PPM1L: variants seen among roughly 807,000 people sequenced by gnomAD.
PPM1L encodes protein phosphatase 1L.
In PPM1L, 13 loss-of-function variants were observed where a neutral mutation model predicts 31.4. The ratio of observed to expected loss-of-function variants is 0.41; its 90% CI spans 0.27 to 0.66. The LOEUF is 0.66. PPM1L is among the 30% of genes least tolerant of loss of function. The probability of loss-of-function intolerance (pLI) is 0.29; values close to 1 mark genes in which losing one functional copy is unlikely to be tolerated. For missense variants in PPM1L, 326 were observed against 453.7 expected, an observed-to-expected ratio of 0.72 and a Z score of 2.56; for synonymous variants, 184 against 175.4, an observed-to-expected ratio of 1.05 and a Z score of -0.39.
intron 1 of PPM1L, among the ~76,000 whole-genome samples, chr3:160,765,658 A>G (rs865895684): frequency 1.4e-4 from 21 of 152,232 alleles, no homozygotes; most frequent in African/African-American, 5.1e-4. Context: ...GGCTCATGAA[A>G]GGCTTTCATA....
chr3:160,801,876 A>G (rs1712437413), intron 1 of PPM1L, among the ~76,000 whole-genome samples: 1 of 152,100 alleles, frequency 6.6e-6, no homozygotes. Context: ...ACATAGTTTG[A>G]ACTTATATAG....
At chr3:160,858,051 C>G (rs1711773642) in intron 1 of PPM1L, among the ~76,000 whole-genome samples, 1 of 152,026 alleles carries the variant, frequency 6.6e-6, no homozygotes, top group Non-Finnish European at 1.5e-5. Context: ...CTTGGTGAAA[C>G]ATTTAGGCTG....
intron 2 of PPM1L, among the ~76,000 whole-genome samples, chr3:161,048,751 TA>T (rs1300274824): frequency 1.3e-5 from 2 of 151,534 alleles, no homozygotes; most frequent in South Asian, 2.1e-4. Context: ...TATGCTGCCA[TA>T]AAAAAGGATG....
Position 161,052,599 on chromosome 3 carries a change from G to A in PPM1L, c.575-12804G>A, listed in dbSNP as rs540917272. Among the ~76,000 whole-genome samples the A allele has an allele frequency of 3.9e-5, 6 of 152,280 alleles. No homozygotes were observed. The East Asian group carries it at 1.2e-3, about 29-fold the overall frequency. Reference sequence around the variant, plus strand: ...CCTAATAGCCCCTAGGACAATGAGTGTCTCAGGCTGAATGGAAGAGGGTCA... The same window carrying A: ...CCTAATAGCCCCTAGGACAATGAGTATCTCAGGCTGAATGGAAGAGGGTCA... On this transcript the variant is annotated intron_variant, in intron 2 of 3. Coordinates refer to ENST00000498165, the MANE Select transcript of PPM1L (RefSeq NM_139245.4).
At chr3:160,973,527 T>C (rs976325393) in intron 2 of PPM1L, among the ~76,000 whole-genome samples, 7 of 152,200 alleles carry the variant, frequency 4.6e-5, no homozygotes, top group African/African-American at 1.4e-4. Context: ...CTTCAGTTTA[T>C]AGAGAAAAAT....
intron 2 of PPM1L, among the ~76,000 whole-genome samples, chr3:161,064,384 A>C (rs1192249434): frequency 6.6e-6 from 1 of 151,908 alleles, no homozygotes; most frequent in Non-Finnish European, 1.5e-5. Flanking sequence ...AAGAAAAAAA[A>C]AATCGGTCTT....
intron 2 of PPM1L, among the ~76,000 whole-genome samples, chr3:161,060,134 T>C (rs1170811066): frequency 6.6e-6 from 1 of 152,152 alleles, no homozygotes; most frequent in Non-Finnish European, 1.5e-5. Context: ...ATCTACATAA[T>C]TGTGTGTTGT....
chr3:161,042,071 A>C (rs1010755203), intron 2 of PPM1L, among the ~76,000 whole-genome samples: 1 of 152,066 alleles, frequency 6.6e-6, no homozygotes, highest in Non-Finnish European at 1.5e-5. Flanking sequence ...CTTCCTCCCC[A>C]CCACCCTTGG....
chr3:160,842,392 G>T, intron 1 of PPM1L: 1 of 684,348 alleles, frequency 1.5e-6, no homozygotes, highest in Non-Finnish European at 2.7e-6. Flanking sequence ...AATTGGGAGG[G>T]GCTTTGAATG....
At chr3:161,064,467 TGAG>T (rs1719666691) in intron 2 of PPM1L, among the ~76,000 whole-genome samples, 2 of 152,142 alleles carry the variant, frequency 1.3e-5, no homozygotes, top group South Asian at 4.1e-4. Flanking sequence ...ATGACCTTAA[TGAG>T]GAAGGAAACG....
intron 1 of PPM1L, among the ~76,000 whole-genome samples, chr3:160,835,091 T>TC (rs61390008): frequency 4.6e-5 from 4 of 86,288 alleles, no homozygotes; most frequent in African/African-American, 2.7e-4. Flanking sequence ...TCTTCTTTCT[T>TC]TTTTCTTTCT....
At chr3:160,937,420 A>C (rs1715007859) in intron 1 of PPM1L, among the ~76,000 whole-genome samples, 1 of 152,144 alleles carries the variant, frequency 6.6e-6, no homozygotes, top group South Asian at 2.1e-4. Context: ...GGAGATCAAG[A>C]CCATCCTGGC....
At chr3:161,015,206 ATCCT>A (rs1718046730) in intron 2 of PPM1L, among the ~76,000 whole-genome samples, 1 of 152,152 alleles carries the variant, frequency 6.6e-6, no homozygotes, top group African/African-American at 2.4e-5. Context: ...ATCATGCGCT[ATCCT>A]TCCTTCCCCT....
intron 1 of PPM1L, among the ~76,000 whole-genome samples, chr3:160,897,525 C>T (rs746893288): frequency 1.3e-5 from 2 of 152,138 alleles, no homozygotes; most frequent in African/African-American, 4.8e-5. Flanking sequence ...TGTGGAATAC[C>T]GCAAAGAGAC....
intron 2 of PPM1L, among the ~76,000 whole-genome samples, chr3:160,965,785 ATTAT>A (rs1716122920): frequency 6.6e-6 from 1 of 152,068 alleles, no homozygotes; most frequent in South Asian, 2.1e-4. Context: ...GAGGTAGTTA[ATTAT>A]TAGTTAGAAG....
intron 1 of PPM1L, among the ~76,000 whole-genome samples, chr3:160,894,773 T>C (rs1194644921): frequency 6.6e-6 from 1 of 152,206 alleles, no homozygotes; most frequent in Non-Finnish European, 1.5e-5. Flanking sequence ...TTTCAGTTTT[T>C]TCCATAAAAA....
At chr3:161,034,016 T>TC (rs954289600) in intron 2 of PPM1L, among the ~76,000 whole-genome samples, 1 of 151,812 alleles carries the variant, frequency 6.6e-6, no homozygotes. Flanking sequence ...AACAACCCCA[T>TC]CAAAAAGTGG....
At chr3:160,876,818 G>A (rs558940367) in intron 1 of PPM1L, among the ~76,000 whole-genome samples, 1 of 152,202 alleles carries the variant, frequency 6.6e-6, no homozygotes, top group East Asian at 1.9e-4. Flanking sequence ...GACACAGAAG[G>A]GAATGAAAAA....
chr3:160,787,163 C>G (rs1025802304), intron 1 of PPM1L, among the ~76,000 whole-genome samples: 1 of 152,174 alleles, frequency 6.6e-6, no homozygotes, highest in Non-Finnish European at 1.5e-5. Flanking sequence ...ATGTTAAGCT[C>G]TTTGAGAAAT....
Sources: gnomAD v4.1 joint callset for allele counts (sites outside exome capture counted in the v4.1 genomes callset) on GRCh38, gnomAD v4.1.1 for gene constraint, MANE v1.5 for transcripts, NCBI Gene and HGNC (gene_info 2026-07-23, HGNC 2026-07-21) for gene names.